The following CFAP70 variants were observed in gnomAD, a reference collection of about 807,000 sequenced individuals.
The protein encoded by CFAP70 is cilia and flagella associated protein 70.
CFAP70 carries 81 observed loss-of-function variants against 137.6 expected under a neutral mutation model. That is an observed-to-expected ratio of 0.59 (90% CI 0.49 to 0.71). The LOEUF (loss-of-function observed/expected upper bound fraction) is 0.71, where lower values mean the gene tolerates loss of function less well. Among genes scored for constraint, CFAP70 ranks in the 30% least tolerant of loss-of-function variants. The probability of loss-of-function intolerance (pLI) is 0.00; values close to 1 mark genes in which losing one functional copy is unlikely to be tolerated. For missense variants in CFAP70, 976 were observed against 1,226.7 expected, an observed-to-expected ratio of 0.80 and a Z score of 3.05; for synonymous variants, 382 against 423.6, an observed-to-expected ratio of 0.90 and a Z score of 1.20.
intron 4 of CFAP70, among the ~76,000 whole-genome samples, chr10:73,347,396 G>T (rs1302399305): frequency 6.6e-6 from 1 of 152,140 alleles, no homozygotes. Context: ...CAAGTGAGAG[G>T]TAATAAGGCA....
rs1189592777 is a variant in CFAP70 at position 73,333,310 on chromosome 10, CAGA to C, written c.678-2037_678-2035del. 2.0e-5 allele frequency among the ~76,000 whole-genome samples: 3 copies of C among 151,846 alleles called. 1 individual carries two copies. The highest frequency in any genetic ancestry group is 2.0e-4 in the Admixed American group (3 of 15,246). On this transcript the variant is annotated intron_variant, in intron 7 of 26. Coordinates refer to ENST00000310715, the Ensembl canonical transcript of CFAP70. ...TTACAAAAGGTGTAATTAGGCATAA[CAGA>C]AGAAGAAAGAAAAGAGCAGAAGAAA...
intron 19 of CFAP70, among the ~76,000 whole-genome samples, chr10:73,287,652 T>C (rs1035761051): frequency 6.6e-6 from 1 of 152,094 alleles, no homozygotes; most frequent in Non-Finnish European, 1.5e-5. Flanking sequence ...AAGCAAAGTA[T>C]GAAAGAGGAA....
exon 4 of CFAP70, chr10:73,348,501 G>A (rs768233862): frequency 6.6e-7 from 1 of 1,516,528 alleles, no homozygotes; most frequent in Admixed American, 2.3e-5. Context: ...TTTTCCTTTG[G>A]TAAAACTTCA....
intron 25 of CFAP70, among the ~76,000 whole-genome samples, chr10:73,259,070 C>G (rs2044849248): frequency 6.6e-6 from 1 of 152,146 alleles, no homozygotes. Flanking sequence ...TCGTACACCC[C>G]TCCCCTTTTG....
chr10:73,342,253 T>C (rs1237148846), intron 5 of CFAP70, among the ~76,000 whole-genome samples: 2 of 151,936 alleles, frequency 1.3e-5, no homozygotes, highest in South Asian at 2.1e-4. Context: ...AACAATGAGA[T>C]ATCAGCCAGG....
At chr10:73,329,912 C>T (rs1248850619) in intron 8 of CFAP70, among the ~76,000 whole-genome samples, 3 of 151,952 alleles carry the variant, frequency 2.0e-5, no homozygotes, top group Non-Finnish European at 4.4e-5. Context: ...TGGATGAAGG[C>T]GGACGAATGA....
intron 3 of CFAP70, among the ~76,000 whole-genome samples, chr10:73,351,930 G>A (rs1031396292): frequency 6.6e-6 from 1 of 152,226 alleles, no homozygotes; most frequent in African/African-American, 2.4e-5. Flanking sequence ...TGGGGTGGAA[G>A]TCTAGGTTCC....
At chr10:73,319,727 G>A (rs2050697004) in intron 9 of CFAP70, among the ~76,000 whole-genome samples, 1 of 152,140 alleles carries the variant, frequency 6.6e-6, no homozygotes, top group Non-Finnish European at 1.5e-5. Context: ...TGTACCAGGT[G>A]AGCAAACATC....
chr10:73,326,749 A>C (rs1374408931), intron 8 of CFAP70, among the ~76,000 whole-genome samples: 6 of 152,170 alleles, frequency 3.9e-5, no homozygotes, highest in Non-Finnish European at 5.9e-5. Context: ...GAAATGGATA[A>C]ATTCCTCGAC....
rs1306301088 is a variant in CFAP70 at position 73,291,412 on chromosome 10, G to A, written c.2053C>T (p.Arg685Ter). 3.7e-6 allele frequency: 6 copies of A among 1,614,068 alleles called. No homozygotes were observed. Among genetic ancestry groups the A allele is most frequent in the African/African-American group, 2.7e-5 (2 of 75,016 alleles). Residue 685 changes from arginine to a stop codon, truncating the protein, a stop_gained, in exon 19 of 27, where the codon CGA becomes TGA. Coordinates refer to ENST00000310715, the Ensembl canonical transcript of CFAP70. LOFTEE classifies it high-confidence loss of function. ...GCCTCATGAAATGCCATTTCCATTC[G>A]AATATCATTGTTTTGAATTTCATAG...
At chr10:73,272,435 G>C (rs1323947039) in intron 24 of CFAP70, among the ~76,000 whole-genome samples, 2 of 152,200 alleles carry the variant, frequency 1.3e-5, no homozygotes, top group African/African-American at 4.8e-5. Context: ...AATTAGGCAG[G>C]AACAAGAGGA....
At chr10:73,347,632 A>T (rs2053825926) in intron 4 of CFAP70, among the ~76,000 whole-genome samples, 1 of 152,144 alleles carries the variant, frequency 6.6e-6, no homozygotes, top group Non-Finnish European at 1.5e-5. Context: ...CAGGGAAGAT[A>T]CTGAGTTCAG....
At chr10:73,358,624 A>T (rs1348630565) in intron 1 of CFAP70, 154 bp downstream of exon 1, 1 of 152,470 alleles carries the variant, frequency 6.6e-6, no homozygotes, top group Non-Finnish European at 1.5e-5. Flanking sequence ...AAGGGAGCAG[A>T]AGATCGGGGT....
chr10:73,324,113 T>G (rs12264874), intron 8 of CFAP70, among the ~76,000 whole-genome samples: 16,033 of 152,110 alleles, frequency 0.11, 1,224 homozygotes, highest in East Asian at 0.3. Flanking sequence ...CACCTCACAC[T>G]GCCGGGTACT....
chr10:73,350,238 G>A (rs1309281032), intron 3 of CFAP70, among the ~76,000 whole-genome samples: 2 of 152,122 alleles, frequency 1.3e-5, no homozygotes, highest in Non-Finnish European at 2.9e-5. Flanking sequence ...ATTCCTCATA[G>A]TATTTAATTT....
chr10:73,291,066 G>A (rs747526867), intron 19 of CFAP70, among the ~76,000 whole-genome samples, 160 bp downstream of exon 20: 10 of 152,160 alleles, frequency 6.6e-5, no homozygotes, highest in Non-Finnish European at 1.3e-4. Context: ...TCAAGCTGGA[G>A]TGCAGTGGCA....
At chr10:73,330,111 C>A (rs978657779) in intron 8 of CFAP70, among the ~76,000 whole-genome samples, 1 of 152,034 alleles carries the variant, frequency 6.6e-6, no homozygotes, top group African/African-American at 2.4e-5. Flanking sequence ...TAAAAATAAT[C>A]TCTTTGATTT....
chr10:73,312,333 T>C (rs2049982659), intron 10 of CFAP70, 140 bp downstream of exon 11: 1 of 668,906 alleles, frequency 1.5e-6, no homozygotes, highest in East Asian at 2.7e-5. Flanking sequence ...ACCTGCACAT[T>C]CTGCACATGT....
intron 23 of CFAP70, among the ~76,000 whole-genome samples, chr10:73,273,979 C>A (rs1470816489): frequency 6.6e-6 from 1 of 152,100 alleles, no homozygotes; most frequent in African/African-American, 2.4e-5. Context: ...CGGAATATTT[C>A]CCAAAATATG....
Sources: allele counts gnomAD v4.1 joint callset (sites outside exome capture counted in the v4.1 genomes callset), GRCh38; gene constraint gnomAD v4.1.1; transcripts MANE v1.5; gene names NCBI Gene and HGNC (gene_info 2026-07-23, HGNC 2026-07-21).